Variants in PMM2 observed in about 807,000 individuals in gnomAD.
The protein encoded by PMM2 is mannose-6-phosphate isomerase.
Under a neutral mutation model 33.2 loss-of-function variants are expected in PMM2, and 35 were observed. The ratio of observed to expected loss-of-function variants is 1.06; its 90% confidence interval spans 0.81 to 1.40. The LOEUF is 1.40. PMM2 is among the 40% of genes most tolerant of loss of function. The pLI is 0.00. For synonymous variants in PMM2, 153 were observed against 114.7 expected (o/e 1.33, Z -2.13); for missense variants, 386 against 306.0 (o/e 1.26, Z -1.95).
chr16:8,831,348 C>T (rs1050324864), intron 7 of PMM2, among the ~76,000 whole-genome samples: 2 of 152,068 alleles, frequency 1.3e-5, no homozygotes, highest in East Asian at 1.9e-4. Context: ...TTGATAAATA[C>T]TTGTTAAACA....
chr16:8,811,815 G>A, intron 6 of PMM2, 102 bp downstream of exon 6: 1 of 830,176 alleles, frequency 1.2e-6, no homozygotes, highest in Non-Finnish European at 2.1e-6. Flanking sequence ...AGTTTTAGGT[G>A]GGCAGGAAGA....
Position 8,812,157 on chromosome 16 carries a change from A to G in PMM2, c.523+444A>G, listed in dbSNP as rs374421779. ...CAACAGCAAGGAACCTTAGGGGCCA[A>G]TTGGGTGGCTTTTACAGATCAAGAA... On this transcript the variant is annotated intron_variant, in intron 6 of 7. Coordinates refer to ENST00000268261, the MANE Select transcript of PMM2 (RefSeq NM_000303.3). 1.4e-4 allele frequency among the ~76,000 whole-genome samples: 22 copies of G among 152,332 alleles called. No homozygotes were observed. The East Asian group carries it at 3.7e-3, about 25-fold the overall frequency.
At chr16:8,836,480 G>A (rs537940829) in intron 7 of PMM2, among the ~76,000 whole-genome samples, 1 of 152,060 alleles carries the variant, frequency 6.6e-6, no homozygotes, top group Non-Finnish European at 1.5e-5. Flanking sequence ...CGTGTAGCAA[G>A]CTCCTGGGGG....
At chr16:8,812,727 G>A (rs1007242762) in intron 6 of PMM2, among the ~76,000 whole-genome samples, 2 of 152,164 alleles carry the variant, frequency 1.3e-5, no homozygotes, top group African/African-American at 2.4e-5. Context: ...GCTTGACAGG[G>A]CGCTTAAACG....
chr16:8,805,668 C>G (rs1269745884), intron 3 of PMM2, among the ~76,000 whole-genome samples: 3 of 151,948 alleles, frequency 2.0e-5, no homozygotes, highest in Non-Finnish European at 4.4e-5. Context: ...TCCTGGCTCA[C>G]TGTAACCTCT....
intron 2 of PMM2, 65 bp downstream of exon 2, chr16:8,801,975 A>G (rs1403675757): frequency 1.7e-5 from 19 of 1,143,252 alleles, no homozygotes; most frequent in Non-Finnish European, 2.2e-5. Context: ...ATTGTTGCCA[A>G]GTATCATAGG....
At position 8,804,754 on chromosome 16, in the gene PMM2, G is replaced by A. The variant is rs1162511476; in HGVS notation, c.179-13G>A. On this transcript the variant is annotated splice_polypyrimidine_tract_variant and intron_variant, in intron 2 of 7. Coordinates refer to ENST00000268261, the MANE Select transcript of PMM2 (RefSeq NM_000303.3). ...TCTTTGCATTCTAAGTGTTTTTTTG[G>A]TTTTGATTGTAGTGGTTGAAAAATA... The A allele has an allele frequency of 6.2e-7, 1 of 1,602,462 alleles. No individual in the cohort carries two copies. The highest frequency in any genetic ancestry group is 1.7e-5 in the Admixed American group (1 of 59,966).
chr16:8,836,927 C>T (rs568529536), intron 7 of PMM2, among the ~76,000 whole-genome samples: 1 of 152,066 alleles, frequency 6.6e-6, no homozygotes, highest in South Asian at 2.1e-4. Flanking sequence ...GAGTAAATTG[C>T]TGGGCAGGTG....
Position 8,817,131 on chromosome 16 carries a change from C to G in PMM2, c.639+4025C>G, listed in dbSNP as rs549459443. ...TGCTTTCCACTACGATAAGCTCTCT[C>G]TCAGTGGGGTAGAAAGATCTTGTTC... On this transcript the variant is annotated intron_variant, in intron 7 of 7. Transcript: ENST00000268261. 2.6e-5 allele frequency among the ~76,000 whole-genome samples: 4 copies of G among 152,326 alleles called. No individual in the cohort carries two copies. The East Asian group carries it at 5.8e-4, about 22-fold the overall frequency.
intron 7 of PMM2, among the ~76,000 whole-genome samples, chr16:8,821,872 C>T (rs1235818442): frequency 6.6e-6 from 1 of 152,244 alleles, no homozygotes; most frequent in African/African-American, 2.4e-5. Flanking sequence ...TTTAAGGCAT[C>T]CCCAGGGACT....
Position 8,801,919 on chromosome 16 carries a change from T to TG in PMM2, c.178+12dup. The TG allele has an allele frequency of 6.5e-7, 1 of 1,532,648 alleles. No individual in the cohort carries two copies. Among genetic ancestry groups the TG allele is most frequent in the East Asian group, 2.3e-5 (1 of 43,922 alleles). 94.9% of individuals were successfully genotyped at this position (1,532,648 alleles called of 1,614,324 possible). On this transcript the variant is annotated intron_variant, in intron 2 of 7. Coordinates refer to ENST00000268261, the MANE Select transcript of PMM2 (RefSeq NM_000303.3). ...GCAACTGGGAAATGATGGTAAATGA[T>TG]GGGTTGCTAATTACATCTGGTAAAA...
At chr16:8,827,721 T>C (rs1176407499) in intron 7 of PMM2, among the ~76,000 whole-genome samples, 2 of 7,216 alleles carry the variant, frequency 2.8e-4, no homozygotes, top group African/African-American at 7.4e-4. Context: ...AATGTGTGCA[T>C]ATATATATAT....
chr16:8,827,790 A>ATT (rs2060781102), intron 7 of PMM2, among the ~76,000 whole-genome samples: 4 of 56,370 alleles, frequency 7.1e-5, no homozygotes, highest in Non-Finnish European at 1.4e-4. Context: ...ATATTTATAT[A>ATT]TATTTATACA....
At chr16:8,826,491 A>G (rs933636466) in intron 7 of PMM2, among the ~76,000 whole-genome samples, 3 of 152,230 alleles carry the variant, frequency 2.0e-5, no homozygotes, top group Non-Finnish European at 4.4e-5. Flanking sequence ...CAATTACAAA[A>G]GTCACAGAAG....
At chr16:8,822,056 G>C (rs962660580) in intron 7 of PMM2, among the ~76,000 whole-genome samples, 2 of 152,234 alleles carry the variant, frequency 1.3e-5, no homozygotes, top group Non-Finnish European at 2.9e-5. Context: ...GGCTGTACAG[G>C]AGACTGGAGT....
chr16:8,838,368 G>A lies in PMM2; in HGVS notation c.640-9356G>A, dbSNP rs1057108340. On this transcript the variant is annotated intron_variant, in intron 7 of 7. Coordinates refer to ENST00000268261, the MANE Select transcript of PMM2 (RefSeq NM_000303.3). ...TGTATACGTGCAAGTCATAGGGGAT[G>A]CGATGGCTTGGCTTGGGCTCAGAGG... is the stretch of plus-strand genomic sequence containing the variant. Among the ~76,000 whole-genome samples, 6 of 152,052 alleles carry A rather than the reference G, an allele frequency of 3.9e-5. No individual in the cohort carries two copies. In the East Asian group the frequency reaches 7.7e-4, roughly 20 times the overall value.
chr16:8,827,031 A>T (rs2060772575), intron 7 of PMM2, among the ~76,000 whole-genome samples: 1 of 152,194 alleles, frequency 6.6e-6, no homozygotes, highest in Non-Finnish European at 1.5e-5. Context: ...TCTCTCCCCT[A>T]CTAAAGTAAT....
chr16:8,828,025 CTTTTT>C (rs71153002), intron 7 of PMM2, among the ~76,000 whole-genome samples: 1 of 66,620 alleles, frequency 1.5e-5, no homozygotes, highest in African/African-American at 6.1e-5. Context: ...CTGTAGAACT[CTTTTT>C]TTTTTTTTTT....
At chr16:8,803,651 T>G (rs868668071) in intron 2 of PMM2, among the ~76,000 whole-genome samples, 17 of 152,342 alleles carry the variant, frequency 1.1e-4, no homozygotes, top group Admixed American at 2.6e-4. Context: ...CCAAACTGAT[T>G]ATAAGAATCA....
Sources: gnomAD v4.1 joint callset for allele counts (sites outside exome capture counted in the v4.1 genomes callset) on GRCh38, gnomAD v4.1.1 for gene constraint, MANE v1.5 for transcripts, NCBI Gene and HGNC (gene_info 2026-07-23, HGNC 2026-07-21) for gene names.